Variants in CCDC178 observed in about 807,000 individuals in gnomAD.
CCDC178 encodes coiled-coil domain-containing protein 178.
In CCDC178, 126 loss-of-function variants were observed where a neutral mutation model predicts 117.4. The observed-to-expected ratio is 1.07, with a 90% CI of 0.93 to 1.24. The LOEUF is 1.24. Among genes scored for constraint, CCDC178 ranks in the 50% most tolerant of loss-of-function variants. CCDC178 has a pLI of 0.00. For missense variants in CCDC178, 1,030 were observed against 986.9 expected, an observed-to-expected ratio of 1.04 and a Z score of -0.59; for synonymous variants, 283 against 313.4, an observed-to-expected ratio of 0.90 and a Z score of 1.02.
chr18:33,262,454 T>A (rs1304806496), intron 14 of CCDC178, among the ~76,000 whole-genome samples: 1 of 152,132 alleles, frequency 6.6e-6, no homozygotes, highest in Non-Finnish European at 1.5e-5. Context: ...CCTTAACTCA[T>A]CCAAATACCA....
At chr18:33,222,701 C>G (rs1041087653) in intron 18 of CCDC178, among the ~76,000 whole-genome samples, 1 of 151,992 alleles carries the variant, frequency 6.6e-6, no homozygotes, top group East Asian at 1.9e-4. Flanking sequence ...TTCCCCTTTT[C>G]CTTCCTTTTC....
At chr18:33,379,641 A>C (rs1447424800) in intron 5 of CCDC178, among the ~76,000 whole-genome samples, 2 of 152,114 alleles carry the variant, frequency 1.3e-5, no homozygotes, top group Non-Finnish European at 2.9e-5. Flanking sequence ...AAACATCCTC[A>C]TTCCTAAGTT....
chr18:33,439,197 G>T (rs992965270), intron 2 of CCDC178, among the ~76,000 whole-genome samples: 6 of 152,192 alleles, frequency 3.9e-5, no homozygotes, highest in African/African-American at 1.4e-4. Flanking sequence ...TGAGAATGAA[G>T]TCCATATTAT....
At chr18:33,387,730 A>C (rs193253760) in intron 5 of CCDC178, among the ~76,000 whole-genome samples, 3 of 152,350 alleles carry the variant, frequency 2.0e-5, no homozygotes, top group Admixed American at 2.0e-4. Flanking sequence ...TTAAAGACTT[A>C]AATGTAAAAC....
intron 22 of CCDC178, among the ~76,000 whole-genome samples, chr18:32,963,964 A>G (rs2054759310): frequency 6.6e-6 from 1 of 152,074 alleles, no homozygotes; most frequent in Admixed American, 6.6e-5. Flanking sequence ...TATGTTGGTA[A>G]TCAATAAGTA....
intron 20 of CCDC178, among the ~76,000 whole-genome samples, chr18:33,108,793 TA>T (rs887954031): frequency 6.6e-6 from 1 of 151,614 alleles, no homozygotes. Flanking sequence ...AACGGTTTTT[TA>T]AAAAAAGTGT....
chr18:33,189,337 C>T (rs1401929634), intron 20 of CCDC178, among the ~76,000 whole-genome samples: 1 of 152,060 alleles, frequency 6.6e-6, no homozygotes, highest in South Asian at 2.1e-4. Flanking sequence ...TATATGTGAA[C>T]GATGACCAGT....
chr18:33,394,225 T>C (rs538609307), intron 4 of CCDC178, among the ~76,000 whole-genome samples: 15 of 152,074 alleles, frequency 9.9e-5, no homozygotes, highest in African/African-American at 3.6e-4. Context: ...GAAAAAAATC[T>C]CAAAGTGAGA....
At chr18:33,440,298 A>G (rs1323702852) in intron 1 of CCDC178, among the ~76,000 whole-genome samples, 1 of 44,912 alleles carries the variant, frequency 2.2e-5, no homozygotes, top group Non-Finnish European at 4.1e-5. Flanking sequence ...GGACTGGGGG[A>G]CTGGGGGACT....
intron 14 of CCDC178, among the ~76,000 whole-genome samples, chr18:33,254,048 G>A (rs544130002): frequency 5.9e-5 from 9 of 151,762 alleles, no homozygotes; most frequent in African/African-American, 1.2e-4. Flanking sequence ...GTGAGATGAC[G>A]CACAATGAGA....
intron 22 of CCDC178, among the ~76,000 whole-genome samples, chr18:32,946,130 C>T (rs1306925068): frequency 6.6e-6 from 1 of 152,140 alleles, no homozygotes; most frequent in Non-Finnish European, 1.5e-5. Context: ...CTGAAATTCC[C>T]ATGTAACCTA....
At chr18:33,291,372 G>A (rs1458121442) in intron 12 of CCDC178, among the ~76,000 whole-genome samples, 1 of 152,042 alleles carries the variant, frequency 6.6e-6, no homozygotes, top group Admixed American at 6.6e-5. Flanking sequence ...ACAAATCAGT[G>A]AGATGACACT....
At chr18:33,203,439 T>C (rs1291626157) in intron 20 of CCDC178, among the ~76,000 whole-genome samples, 1 of 152,180 alleles carries the variant, frequency 6.6e-6, no homozygotes, top group Non-Finnish European at 1.5e-5. Flanking sequence ...TGTCTCTGCT[T>C]TATTGATATG....
chr18:33,324,402 T>C (rs2062558081), intron 10 of CCDC178, among the ~76,000 whole-genome samples: 1 of 151,948 alleles, frequency 6.6e-6, no homozygotes, highest in South Asian at 2.1e-4. Flanking sequence ...TGCAGGTTCT[T>C]GAATATTTTC....
Position 33,118,682 on chromosome 18 carries a change from G to A in CCDC178, c.2239-25772C>T, listed in dbSNP as rs374323987. On this transcript the variant is annotated intron_variant, in intron 20 of 22. Coordinates refer to ENST00000383096, the MANE Select transcript of CCDC178 (RefSeq NM_001105528.4). ...ACCAAGGACTTTCTTCACAGAATTGGAAAGAACTGCTTTAAAGTTCATATG... is the reference window on the plus strand; with the variant it reads ...ACCAAGGACTTTCTTCACAGAATTGAAAAGAACTGCTTTAAAGTTCATATG... Among the ~76,000 whole-genome samples the A allele has an allele frequency of 5.3e-5, 8 of 152,232 alleles. No individual in the cohort carries two copies. The East Asian group carries it at 1.4e-3, about 26-fold the overall frequency.
At chr18:33,235,275 T>C (rs1325217225) in intron 15 of CCDC178, among the ~76,000 whole-genome samples, 1 of 152,164 alleles carries the variant, frequency 6.6e-6, no homozygotes. Context: ...TTTTCTAGCA[T>C]TGAAAACGAC....
intron 21 of CCDC178, among the ~76,000 whole-genome samples, chr18:33,058,253 C>T (rs2056863562): frequency 6.6e-6 from 1 of 152,106 alleles, no homozygotes. Context: ...CATAAATGTC[C>T]ATCACCTAAG....
intron 2 of CCDC178, among the ~76,000 whole-genome samples, chr18:33,415,201 G>GTATA (rs1311781505): frequency 2.6e-5 from 4 of 152,158 alleles, no homozygotes; most frequent in Non-Finnish European, 5.9e-5. Flanking sequence ...CCATTACTGG[G>GTATA]TATATACCCA....
intron 6 of CCDC178, among the ~76,000 whole-genome samples, chr18:33,363,117 T>A (rs1224505000): frequency 6.6e-6 from 1 of 151,972 alleles, no homozygotes; most frequent in Non-Finnish European, 1.5e-5. Context: ...TCTAAAAAAA[T>A]TTTATTTAAA....
Sources: gnomAD v4.1 joint callset for allele counts (sites outside exome capture counted in the v4.1 genomes callset) on GRCh38, gnomAD v4.1.1 for gene constraint, MANE v1.5 for transcripts, NCBI Gene and HGNC (gene_info 2026-07-23, HGNC 2026-07-21) for gene names.